CTNNA2: variants seen among roughly 807,000 people sequenced by gnomAD.
The protein encoded by CTNNA2 is catenin alpha 2.
CTNNA2 carries 42 observed loss-of-function variants against 101.0 expected under a neutral mutation model. The ratio of observed to expected loss-of-function variants is 0.42; its 90% CI spans 0.32 to 0.54. The LOEUF is 0.54. Among genes scored for constraint, CTNNA2 ranks in the 20% least tolerant of loss-of-function variants. The pLI is 0.14. For synonymous variants in CTNNA2, 450 were observed against 456.4 expected (o/e 0.99, Z 0.18); for missense variants, 871 against 1,223.1 (o/e 0.71, Z 4.29).
intron 2 of CTNNA2, among the ~76,000 whole-genome samples, chr2:79,294,369 C>T (rs1019300911): frequency 6.6e-6 from 1 of 152,056 alleles, no homozygotes; most frequent in South Asian, 2.1e-4. Context: ...CAGGTCCCCA[C>T]CCTTGTGACT....
intron 3 of CTNNA2, among the ~76,000 whole-genome samples, chr2:79,349,757 T>A (rs1397534222): frequency 6.6e-6 from 1 of 152,192 alleles, no homozygotes; most frequent in Non-Finnish European, 1.5e-5. Flanking sequence ...AGAGAGCTGA[T>A]GAAGACACCA....
At chr2:80,190,718 G>C (rs147486834) in intron 7 of CTNNA2, among the ~76,000 whole-genome samples, 50 of 152,140 alleles carry the variant, frequency 3.3e-4, no homozygotes, top group Non-Finnish European at 6.0e-4. Flanking sequence ...GTAATATCCT[G>C]GCTTCTATGG....
At chr2:80,322,042 G>T (rs1363067197) in intron 7 of CTNNA2, among the ~76,000 whole-genome samples, 1 of 152,020 alleles carries the variant, frequency 6.6e-6, no homozygotes, top group African/African-American at 2.4e-5. Context: ...TTTAAATGTG[G>T]GTGTATTTTT....
chr2:79,722,426 T>C (rs1449599287), intron 2 of CTNNA2, among the ~76,000 whole-genome samples: 1 of 152,130 alleles, frequency 6.6e-6, no homozygotes, highest in African/African-American at 2.4e-5. Context: ...TCAGTTAACA[T>C]GAACAGGTGA....
chr2:79,859,485 T>C (rs1209062282), intron 4 of CTNNA2, among the ~76,000 whole-genome samples: 1 of 152,154 alleles, frequency 6.6e-6, no homozygotes, highest in Non-Finnish European at 1.5e-5. Flanking sequence ...TGGAAAAATA[T>C]GAAAGGCCTC....
At chr2:80,365,033 C>T (rs747729133) in intron 7 of CTNNA2, among the ~76,000 whole-genome samples, 14 of 152,128 alleles carry the variant, frequency 9.2e-5, no homozygotes, top group African/African-American at 1.2e-4. Context: ...GTTTGGCCTT[C>T]ATGTAACATC....
rs540500550 is a variant in CTNNA2, at chr2:80,645,689, G to GCTTGGCTTCTCTCCTGTTAACATGA, written c.2575-1895_2575-1871dup. ...TTTGAGAATCACCCCACTAATTCAT[G>GCTTGGCTTCTCTCCTGTTAACATGA]CTTGGCTTCTCTCCTGTTAACATGA... On this transcript the variant is annotated intron_variant, in intron 18 of 18. Transcript: ENST00000402739. Among the ~76,000 whole-genome samples, 790 of 152,182 alleles carry GCTTGGCTTCTCTCCTGTTAACATGA rather than the reference G, an allele frequency of 5.2e-3. 3 individuals carry two copies. The highest frequency in any genetic ancestry group is 0.018 in the African/African-American group (758 of 41,524).
At chr2:80,226,551 T>C (rs1345770333) in intron 7 of CTNNA2, among the ~76,000 whole-genome samples, 1 of 152,216 alleles carries the variant, frequency 6.6e-6, no homozygotes, top group East Asian at 1.9e-4. Context: ...CTGGCATCAC[T>C]CTGATTTGAC....
chr2:79,495,297 T>G (rs1671245158), intron 4 of CTNNA2, among the ~76,000 whole-genome samples: 1 of 152,172 alleles, frequency 6.6e-6, no homozygotes, highest in Admixed American at 6.5e-5. Flanking sequence ...ATGTAATTTT[T>G]AAATGGACAG....
intron 7 of CTNNA2, among the ~76,000 whole-genome samples, chr2:80,161,235 CA>C (rs1188458228): frequency 6.6e-6 from 1 of 152,156 alleles, no homozygotes; most frequent in Non-Finnish European, 1.5e-5. Context: ...AGGCTAGTCT[CA>C]AACTCCTAAT....
intron 7 of CTNNA2, among the ~76,000 whole-genome samples, chr2:80,187,985 G>A (rs1186024036): frequency 2.0e-5 from 3 of 152,116 alleles, no homozygotes; most frequent in Non-Finnish European, 2.9e-5. Context: ...TTTACAGGAT[G>A]TCCTGGTGTA....
At chr2:79,875,824 C>T (rs1021237156) in intron 6 of CTNNA2, among the ~76,000 whole-genome samples, 3 of 151,860 alleles carry the variant, frequency 2.0e-5, no homozygotes, top group Non-Finnish European at 2.9e-5. Context: ...CACAAAATTG[C>T]AGCGAGCAAC....
intron 3 of CTNNA2, among the ~76,000 whole-genome samples, chr2:79,819,690 A>C (rs559926681): frequency 6.6e-6 from 1 of 152,310 alleles, no homozygotes; most frequent in African/African-American, 2.4e-5. Flanking sequence ...GTACAAAAAT[A>C]CAGTTAGATA....
At chr2:79,663,801 A>G (rs559872888) in intron 2 of CTNNA2, among the ~76,000 whole-genome samples, 1 of 152,322 alleles carries the variant, frequency 6.6e-6, no homozygotes, top group African/African-American at 2.4e-5. Flanking sequence ...AAATGATGCT[A>G]GTCTAATTCA....
intron 7 of CTNNA2, among the ~76,000 whole-genome samples, chr2:79,911,963 A>T (rs1685829228): frequency 6.6e-6 from 1 of 152,178 alleles, no homozygotes; most frequent in South Asian, 2.1e-4. Flanking sequence ...ACACATACAC[A>T]TCCATGCCCT....
At chr2:79,832,631 T>C (rs547671469) in intron 3 of CTNNA2, among the ~76,000 whole-genome samples, 74 of 152,320 alleles carry the variant, frequency 4.9e-4, no homozygotes, top group African/African-American at 1.7e-3. Context: ...CAAGAGACCT[T>C]GAGAGAGACT....
chr2:80,243,657 A>G (rs1671115771), intron 7 of CTNNA2, among the ~76,000 whole-genome samples: 1 of 152,208 alleles, frequency 6.6e-6, no homozygotes, highest in South Asian at 2.1e-4. Context: ...TTGTTTATCC[A>G]TTCACCTGGA....
At chr2:79,693,740 G>A (rs1411015203) in intron 2 of CTNNA2, among the ~76,000 whole-genome samples, 3 of 151,834 alleles carry the variant, frequency 2.0e-5, no homozygotes, top group African/African-American at 7.3e-5. Flanking sequence ...TGATAATAGG[G>A]TATGTGGATG....
chr2:79,323,174 A>T (rs1380684175), intron 3 of CTNNA2, among the ~76,000 whole-genome samples: 3 of 152,176 alleles, frequency 2.0e-5, no homozygotes, highest in Non-Finnish European at 4.4e-5. Context: ...ATCTAACATC[A>T]GCCACTCCCT....
Sources: gnomAD v4.1 joint callset for allele counts (sites outside exome capture counted in the v4.1 genomes callset) on GRCh38, gnomAD v4.1.1 for gene constraint, MANE v1.5 for transcripts, NCBI Gene and HGNC (gene_info 2026-07-23, HGNC 2026-07-21) for gene names.